ZNRF3: variants seen among roughly 807,000 people sequenced by gnomAD.
ZNRF3 encodes E3 ubiquitin-protein ligase ZNRF3.
Under a neutral mutation model 72.5 loss-of-function variants are expected in ZNRF3, and 23 were observed. That is an observed-to-expected ratio of 0.32 (90% CI 0.23 to 0.45). The LOEUF (loss-of-function observed/expected upper bound fraction) is 0.45. Ranked by LOEUF, ZNRF3 falls within the 20% of genes least tolerant of loss-of-function variation. The pLI, the probability that ZNRF3 is intolerant of heterozygous loss-of-function variation, is 1.00. For missense variants in ZNRF3, 1,169 were observed against 1,272.1 expected (o/e 0.92, Z 1.23); for synonymous variants, 610 against 545.3 (o/e 1.12, Z -1.65).
intron 2 of ZNRF3, among the ~76,000 whole-genome samples, chr22:29,029,804 C>T (rs143422125): frequency 0.026 from 3,931 of 152,222 alleles, 79 homozygotes; most frequent in African/African-American, 0.057. Flanking sequence ...AGAGCCTGCC[C>T]GCCGCCTCTC....
intron 2 of ZNRF3, among the ~76,000 whole-genome samples, chr22:29,007,734 T>C (rs1356464004): frequency 6.7e-6 from 1 of 149,870 alleles, no homozygotes; most frequent in East Asian, 2.0e-4. Flanking sequence ...GCCCCTTTCA[T>C]AGAAATTCCA....
chr22:29,013,168 C>T (rs1041760551), intron 2 of ZNRF3, among the ~76,000 whole-genome samples: 1 of 152,188 alleles, frequency 6.6e-6, no homozygotes, highest in African/African-American at 2.4e-5. Context: ...CAGAAGTCCT[C>T]AGCTTGCTCA....
intron 1 of ZNRF3, among the ~76,000 whole-genome samples, chr22:28,938,625 G>A (rs2034885443): frequency 6.6e-6 from 1 of 152,166 alleles, no homozygotes. Context: ...TGGGTGACAT[G>A]AGCTGTTCAG....
chr22:28,972,510 C>T (rs950296412), intron 1 of ZNRF3, among the ~76,000 whole-genome samples: 14 of 152,164 alleles, frequency 9.2e-5, no homozygotes, highest in African/African-American at 2.4e-4. Flanking sequence ...TTCCATTCAT[C>T]GGCTGATGGA....
chr22:28,983,903 T>C (rs4823000), intron 1 of ZNRF3, among the ~76,000 whole-genome samples: 10,014 of 152,154 alleles, frequency 0.066, 574 homozygotes, highest in East Asian at 0.15. Flanking sequence ...CTGTGAAGAG[T>C]TTCTCAGTGT....
intron 1 of ZNRF3, among the ~76,000 whole-genome samples, chr22:28,971,629 C>T (rs1311505091): frequency 1.3e-5 from 2 of 152,184 alleles, no homozygotes; most frequent in Non-Finnish European, 2.9e-5. Flanking sequence ...TCTTATTTTA[C>T]AGATGAGGAA....
intron 1 of ZNRF3, among the ~76,000 whole-genome samples, chr22:28,966,220 T>C (rs2035456101): frequency 6.6e-6 from 1 of 152,168 alleles, no homozygotes; most frequent in African/African-American, 2.4e-5. Flanking sequence ...AAAAATGAAA[T>C]GTTTGAAATG....
At chr22:29,036,814 G>GA (rs895709517) in intron 2 of ZNRF3, among the ~76,000 whole-genome samples, 79 of 149,994 alleles carry the variant, frequency 5.3e-4, no homozygotes, top group African/African-American at 1.6e-3. Flanking sequence ...TAGTGTGTAG[G>GA]AAAAAAAAAT....
intron 2 of ZNRF3, among the ~76,000 whole-genome samples, chr22:28,995,346 A>G (rs959562610): frequency 6.6e-6 from 1 of 152,200 alleles, no homozygotes; most frequent in African/African-American, 2.4e-5. Context: ...AGGCAGGAGA[A>G]TGGCGTGAGC....
At chr22:28,975,621 G>A (rs1407889779) in intron 1 of ZNRF3, among the ~76,000 whole-genome samples, 1 of 151,172 alleles carries the variant, frequency 6.6e-6, no homozygotes, top group East Asian at 1.9e-4. Context: ...CCTGTAATCC[G>A]AGCTCCTTGG....
chr22:29,051,006 C>T (rs2037196453), intron 8 of ZNRF3, 58 bp downstream of exon 8: 2 of 1,483,826 alleles, frequency 1.3e-6, no homozygotes, highest in Non-Finnish European at 8.9e-7. Context: ...GTCGTCTTGT[C>T]TTCTGTCTTA....
chr22:28,911,413 C>A (rs2034314704), intron 1 of ZNRF3, among the ~76,000 whole-genome samples: 1 of 152,154 alleles, frequency 6.6e-6, no homozygotes, highest in Admixed American at 6.5e-5. Context: ...GTAATTGCAG[C>A]CCTCACTGCA....
At chr22:28,924,192 C>T (rs746339003) in intron 1 of ZNRF3, among the ~76,000 whole-genome samples, 5 of 152,154 alleles carry the variant, frequency 3.3e-5, no homozygotes, top group East Asian at 1.9e-4. Context: ...GCAGAGGGCA[C>T]GCAGCATCTG....
chr22:28,883,858 TGCCGCCGCC>T lies in ZNRF3; in HGVS notation c.101_109del (p.Pro34_Pro36del), dbSNP rs958418836. 2.0e-6 allele frequency: 2 copies of T among 993,218 alleles called. No homozygotes were observed. The highest frequency in any genetic ancestry group is 2.4e-6 in the Non-Finnish European group (2 of 839,848). 61.5% of individuals were successfully genotyped at this position (993,218 alleles called of 1,614,324 possible). A position where few individuals can be genotyped will look rare whatever the true frequency, so the allele number is the denominator to read the frequency against. ...CCCCGCGGCCTCCGGTGCAGCCGCCTGCCGCCGCCGCCGCCGCTGCCGCTGCTGCTCGGG... is the reference window on the plus strand; with the variant it reads ...CCCCGCGGCCTCCGGTGCAGCCGCCTGCCGCCGCTGCCGCTGCTGCTCGGG... On this transcript the variant is annotated inframe_deletion, in exon 1 of 9. Transcript: ENST00000544604. The surrounding 1 kb of genome is among the most constrained non-coding windows in gnomAD (Gnocchi z 5.5).
chr22:28,987,320 C>T (rs994887076), intron 2 of ZNRF3, 119 bp downstream of exon 2: 7 of 1,442,988 alleles, frequency 4.9e-6, no homozygotes, highest in East Asian at 4.9e-5. Flanking sequence ...TGCTCCTTCC[C>T]GGCTGAAGTT....
intron 1 of ZNRF3, among the ~76,000 whole-genome samples, chr22:28,888,574 G>A (rs1456945532): frequency 1.3e-5 from 2 of 152,182 alleles, no homozygotes; most frequent in African/African-American, 2.4e-5. Context: ...GGAGTTACTA[G>A]TACAATTCTG....
At chr22:28,918,909 G>A (rs2034461991) in intron 1 of ZNRF3, among the ~76,000 whole-genome samples, 1 of 152,176 alleles carries the variant, frequency 6.6e-6, no homozygotes, top group Admixed American at 6.5e-5. Context: ...ATAAAGTTGG[G>A]CTGGTGGAAA....
chr22:28,964,159 A>G (rs1253527078), intron 1 of ZNRF3, among the ~76,000 whole-genome samples: 2 of 152,210 alleles, frequency 1.3e-5, no homozygotes, highest in African/African-American at 4.8e-5. Flanking sequence ...TTTTGAGGCA[A>G]CCGACTAAAG....
intron 1 of ZNRF3, among the ~76,000 whole-genome samples, chr22:28,909,315 T>G (rs1207441461): frequency 6.6e-6 from 1 of 152,182 alleles, no homozygotes; most frequent in African/African-American, 2.4e-5. Flanking sequence ...AGTTGCTCTT[T>G]GGGAATGGAC....
Sources: gnomAD v4.1 joint callset for allele counts (sites outside exome capture counted in the v4.1 genomes callset) on GRCh38, gnomAD v4.1.1 for gene constraint, Gnocchi (gnomAD v3.1) non-coding constraint, MANE v1.5 for transcripts, NCBI Gene and HGNC (gene_info 2026-07-23, HGNC 2026-07-21) for gene names.